MMAA: variants seen among roughly 807,000 people sequenced by gnomAD.
MMAA encodes the protein metabolism of cobalamin associated A, also known as methylmalonic aciduria type A protein, mitochondrial.
In MMAA, 41 loss-of-function variants were observed where a neutral mutation model predicts 45.0. The observed-to-expected ratio is 0.91, with a 90% CI of 0.71 to 1.18. The LOEUF is 1.18. Among genes scored for constraint, MMAA ranks in the 50% most tolerant of loss-of-function variants. The probability of loss-of-function intolerance (pLI) is 0.00; values close to 1 mark genes in which losing one functional copy is unlikely to be tolerated. For synonymous variants in MMAA, 154 were observed against 178.2 expected (o/e 0.86, Z 1.08); for missense variants, 460 against 495.7 (o/e 0.93, Z 0.68).
intron 5 of MMAA, 64 bp from the exon 6 acceptor site, chr4:145,653,930 C>T (rs190750337): frequency 2.7e-5 from 41 of 1,537,536 alleles, no homozygotes; most frequent in Admixed American, 1.2e-4. Flanking sequence ...CTTTCAAAAT[C>T]TGAGCATTGA....
chr4:145,632,650 T>G (rs925832457), intron 1 of MMAA, among the ~76,000 whole-genome samples: 3 of 152,218 alleles, frequency 2.0e-5, no homozygotes, highest in African/African-American at 7.2e-5. Context: ...GATTTGCCCT[T>G]TTGAGGCTAT....
At chr4:145,633,456 C>T (rs1242992685) in intron 1 of MMAA, among the ~76,000 whole-genome samples, 2 of 152,064 alleles carry the variant, frequency 1.3e-5, no homozygotes, top group African/African-American at 4.8e-5. Context: ...GCTCGGCCTC[C>T]CAAAGTGCTG....
At chr4:145,629,579 A>ATTTT (rs1456014895) in intron 1 of MMAA, among the ~76,000 whole-genome samples, 46 of 152,296 alleles carry the variant, frequency 3.0e-4, no homozygotes, top group African/African-American at 1.1e-3. Flanking sequence ...AGTATTCAAA[A>ATTTT]GAATACTAGC....
At chr4:145,632,452 G>T (rs1727475114) in intron 1 of MMAA, among the ~76,000 whole-genome samples, 2 of 152,118 alleles carry the variant, frequency 1.3e-5, no homozygotes, top group Admixed American at 6.6e-5. Context: ...TGACCTTTGG[G>T]AGTTTGATTA....
intron 1 of MMAA, chr4:145,625,778 T>C (rs1482996741): frequency 5.8e-6 from 7 of 1,206,632 alleles, no homozygotes; most frequent in Non-Finnish European, 8.7e-6. Context: ...GAGCCTGCTG[T>C]TGAATTGTCT....
At chr4:145,641,711 A>T (rs1727789984) in intron 2 of MMAA, among the ~76,000 whole-genome samples, 1 of 152,166 alleles carries the variant, frequency 6.6e-6, no homozygotes, top group East Asian at 1.9e-4. Flanking sequence ...TTTACCCAAG[A>T]TCACATAGCT....
At chr4:145,653,919 A>T (rs1728160846) in intron 5 of MMAA, 75 bp from the exon 6 acceptor site, 1 of 1,472,816 alleles carries the variant, frequency 6.8e-7, no homozygotes, top group South Asian at 1.1e-5. Flanking sequence ...GAAATGTATG[A>T]CTTTCAAAAT....
At chr4:145,633,088 T>G (rs891586416) in intron 1 of MMAA, among the ~76,000 whole-genome samples, 10 of 151,834 alleles carry the variant, frequency 6.6e-5, no homozygotes, top group Non-Finnish European at 1.5e-4. Flanking sequence ...AATTCTGTCT[T>G]AGGAGACTCT....
chr4:145,634,029 T>C (rs1488855937), intron 1 of MMAA, among the ~76,000 whole-genome samples: 1 of 152,210 alleles, frequency 6.6e-6, no homozygotes, highest in East Asian at 1.9e-4. Flanking sequence ...AACACAGCAC[T>C]GGGTTTCACC....
intron 1 of MMAA, among the ~76,000 whole-genome samples, chr4:145,634,020 A>G (rs1218830247): frequency 3.3e-5 from 5 of 152,224 alleles, no homozygotes; most frequent in Non-Finnish European, 7.3e-5. Context: ...CCTGAGTCCA[A>G]CACAGCACTG....
At chr4:145,642,603 G>A in intron 3 of MMAA, 118 bp downstream of exon 3, 3 of 1,404,372 alleles carry the variant, frequency 2.1e-6, no homozygotes, top group South Asian at 2.3e-5. Context: ...TCTCGCTAAA[G>A]GAAGGGAGTT....
chr4:145,625,966 G>T, intron 1 of MMAA: 1 of 1,558,812 alleles, frequency 6.4e-7, no homozygotes, highest in African/African-American at 1.4e-5. Context: ...AAGTCCCTCC[G>T]TGCATCACTA....
chr4:145,638,141 G>C (rs539166492), intron 1 of MMAA, among the ~76,000 whole-genome samples: 1 of 151,974 alleles, frequency 6.6e-6, no homozygotes, highest in Admixed American at 6.5e-5. Flanking sequence ...AGGCCGAGGC[G>C]GGCGGCTCAC....
Position 145,633,738 on chromosome 4 carries a change from A to G in MMAA, c.-65-5337A>G, listed in dbSNP as rs562772192. On this transcript the variant is annotated intron_variant, in intron 1 of 6. Coordinates refer to ENST00000649156, the MANE Select transcript of MMAA (RefSeq NM_172250.3). Reference sequence around the variant, plus strand: ...TTGTTTGTACCTGTCCTTCTTGGGAATGCTTTCCAAATATTTGAAAGGGCT... The same window carrying G: ...TTGTTTGTACCTGTCCTTCTTGGGAGTGCTTTCCAAATATTTGAAAGGGCT... Among the ~76,000 whole-genome samples, 150 of 152,310 alleles carry G rather than the reference A, an allele frequency of 9.8e-4. 6 individuals carry two copies. In the South Asian group the frequency reaches 0.029, roughly 29 times the overall value.
chr4:145,658,326 T>C lies in MMAA; in HGVS notation c.*2892T>C, dbSNP rs1470274042. The C allele has an allele frequency of 6.6e-6, 1 of 152,224 alleles. No homozygotes were observed. The highest frequency in any genetic ancestry group is 1.5e-5 in the Non-Finnish European group (1 of 68,046). The allele number at this position is 152,224 out of a possible 1,614,324, so 9.4% of individuals were successfully genotyped here. On this transcript the variant is annotated 3_prime_UTR_variant, in exon 7 of 7. Transcript: ENST00000649156. The stretch of plus-strand genomic sequence containing the variant: ...TGGTAGTTATCTCTTAGAACTGTTA[T>C]GAGGATTAAACGAGTTACAGTGTCC...
At chr4:145,636,560 TG>T (rs1385815129) in intron 1 of MMAA, among the ~76,000 whole-genome samples, 4 of 152,248 alleles carry the variant, frequency 2.6e-5, no homozygotes, top group Non-Finnish European at 4.4e-5. Flanking sequence ...TCTGCCTTAC[TG>T]AATTTCTTAA....
chr4:145,638,178 G>T (rs947385910), intron 1 of MMAA, among the ~76,000 whole-genome samples: 2 of 151,978 alleles, frequency 1.3e-5, no homozygotes, highest in Non-Finnish European at 2.9e-5. Context: ...GAGCGTCCTG[G>T]CTAACACAGT....
chr4:145,634,011 C>G (rs367670427), intron 1 of MMAA, among the ~76,000 whole-genome samples: 2 of 152,220 alleles, frequency 1.3e-5, no homozygotes, highest in Non-Finnish European at 2.9e-5. Flanking sequence ...TGGGTCAGAC[C>G]TGAGTCCAAC....
intron 1 of MMAA, chr4:145,625,530 T>G: frequency 1.3e-6 from 1 of 745,542 alleles, no homozygotes; most frequent in South Asian, 1.3e-5. Flanking sequence ...TGAACTAGCA[T>G]AAGCCATCAA....
Sources: gnomAD v4.1 joint callset for allele counts (sites outside exome capture counted in the v4.1 genomes callset) on GRCh38, gnomAD v4.1.1 for gene constraint, MANE v1.5 for transcripts, NCBI Gene and HGNC (gene_info 2026-07-23, HGNC 2026-07-21) for gene names.